Variants in CCDC88A observed in about 807,000 individuals in gnomAD.
CCDC88A encodes the protein coiled-coil and HOOK domain protein 88A.
CCDC88A carries 54 observed loss-of-function variants against 234.3 expected under a neutral mutation model. That is an observed-to-expected ratio of 0.23 (90% CI 0.19 to 0.29). CCDC88A has a LOEUF of 0.29. Ranked by LOEUF, CCDC88A falls within the 10% of genes least tolerant of loss-of-function variation. CCDC88A has a pLI of 1.00. For synonymous variants in CCDC88A, 753 were observed against 737.8 expected, an observed-to-expected ratio of 1.02 and a Z score of -0.33; for missense variants, 1,832 against 2,123.4, an observed-to-expected ratio of 0.86 and a Z score of 2.70.
intron 9 of CCDC88A, among the ~76,000 whole-genome samples, chr2:55,347,730 GC>G (rs1669348164): frequency 6.8e-6 from 1 of 146,916 alleles, no homozygotes; most frequent in South Asian, 2.2e-4. Flanking sequence ...TTGTGCCTCC[GC>G]CTCCCAAGTA....
chr2:55,315,274 C>A (rs1214232612), intron 22 of CCDC88A: 1 of 152,212 alleles, frequency 6.6e-6, no homozygotes, highest in Admixed American at 6.5e-5. Context: ...TTGCCCTGTG[C>A]TCTGTCAAAA....
At chr2:55,307,441 T>C (rs1239588793) in intron 25 of CCDC88A, among the ~76,000 whole-genome samples, 1 of 150,264 alleles carries the variant, frequency 6.7e-6, no homozygotes, top group Non-Finnish European at 1.5e-5. Context: ...CCTCAGCCTC[T>C]GCCTCCCAGG....
At chr2:55,377,695 C>T (rs763039048) in intron 3 of CCDC88A, among the ~76,000 whole-genome samples, 3 of 152,012 alleles carry the variant, frequency 2.0e-5, no homozygotes, top group Non-Finnish European at 2.9e-5. Context: ...ATGCAACCTC[C>T]GCCTCCCAGG....
intron 4 of CCDC88A, among the ~76,000 whole-genome samples, chr2:55,373,827 G>T (rs907962375): frequency 6.6e-6 from 1 of 151,816 alleles, no homozygotes; most frequent in East Asian, 1.9e-4. Flanking sequence ...TTTTATTTTG[G>T]TTTTGTTTGT....
intron 32 of CCDC88A, chr2:55,291,458 C>CA (rs1043582286): frequency 1.3e-4 from 43 of 325,070 alleles, no homozygotes; most frequent in Non-Finnish European, 2.1e-4. Context: ...TTTAAAGTGA[C>CA]AAAAAAACTT....
chr2:55,366,651 T>C (rs943202812), intron 5 of CCDC88A, among the ~76,000 whole-genome samples: 1 of 151,612 alleles, frequency 6.6e-6, no homozygotes, highest in South Asian at 2.1e-4. Flanking sequence ...GTGGGAGAGA[T>C]ATGCATAAAC....
intron 14 of CCDC88A, 21 bp downstream of exon 14, chr2:55,336,660 C>T: frequency 6.8e-7 from 1 of 1,463,212 alleles, no homozygotes; most frequent in Non-Finnish European, 9.2e-7. Context: ...ACATTGTTTA[C>T]TTAGTAAAAA....
At chr2:55,312,661 A>G (rs1682474737) in intron 22 of CCDC88A, 82 bp from the exon 23 acceptor site, 5 of 973,950 alleles carry the variant, frequency 5.1e-6, no homozygotes, top group Middle Eastern at 3.0e-4. Context: ...TACTACACAA[A>G]GATTTAAGTG....
intron 17 of CCDC88A, among the ~76,000 whole-genome samples, chr2:55,325,897 A>G (rs1412187808): frequency 6.6e-6 from 1 of 152,174 alleles, no homozygotes; most frequent in Non-Finnish European, 1.5e-5. Context: ...GATGCTATTT[A>G]CTGCACTAAA....
chr2:55,412,770 C>G (rs902883814), intron 2 of CCDC88A, among the ~76,000 whole-genome samples: 4 of 152,184 alleles, frequency 2.6e-5, no homozygotes, highest in Admixed American at 1.3e-4. Flanking sequence ...TGGACACTTT[C>G]TATATGTTAA....
intron 9 of CCDC88A, among the ~76,000 whole-genome samples, chr2:55,347,433 A>T (rs1043968201): frequency 6.6e-6 from 1 of 152,170 alleles, no homozygotes; most frequent in Non-Finnish European, 1.5e-5. Flanking sequence ...GGTGTGTGAC[A>T]TCTTAACAGA....
chr2:55,362,859 A>C (rs556949273), intron 6 of CCDC88A, among the ~76,000 whole-genome samples: 1 of 152,098 alleles, frequency 6.6e-6, no homozygotes, highest in South Asian at 2.1e-4. Flanking sequence ...GTTGTTACTG[A>C]ATATCTAGGT....
At chr2:55,372,733 G>C (rs1673021617) in intron 4 of CCDC88A, among the ~76,000 whole-genome samples, 2 of 152,168 alleles carry the variant, frequency 1.3e-5, no homozygotes, top group South Asian at 4.1e-4. Flanking sequence ...AATGGATAAA[G>C]AGGTTTCAAG....
intron 4 of CCDC88A, among the ~76,000 whole-genome samples, 160 bp downstream of exon 4, chr2:55,374,654 T>G (rs772012205): frequency 6.1e-4 from 93 of 152,196 alleles, no homozygotes; most frequent in Non-Finnish European, 6.2e-4. Context: ...TTACAAATAT[T>G]CTAAGCTTGT....
rs1282130868 is a variant in CCDC88A, at chr2:55,302,040, C to T, written c.4504G>A (p.Ala1502Thr). The change falls in exon 27 of 33, where the codon GCA (alanine) becomes ACA (threonine). Residue 1502 changes from alanine to threonine, a missense_variant. Ala to Thr is a moderately conservative substitution (Grantham distance 58). Around this residue, in one of 6 missense-constraint regions of CCDC88A, gnomAD observed 1,282 missense variants for 1,543.6 expected, o/e 0.83. Transcript: ENST00000436346. ...TCAGTACTACCTGTCCACTGTCCTGCTAGGACCATGGACTGCACCAGGTCA... is the reference window on the plus strand; with the variant it reads ...TCAGTACTACCTGTCCACTGTCCTGTTAGGACCATGGACTGCACCAGGTCA... The part of the protein sequence containing the change: ...MNDLVQSMVL[A>T]GQWTGSTENL... 2 of 1,613,798 alleles carry T rather than the reference C, an allele frequency of 1.2e-6. No individual in the cohort carries two copies. The highest frequency in any genetic ancestry group is 1.3e-5 in the African/African-American group (1 of 74,904).
intron 11 of CCDC88A, 123 bp from the exon 12 acceptor site, chr2:55,343,915 A>T: frequency 1.2e-6 from 1 of 838,000 alleles, no homozygotes. Flanking sequence ...AGTTCTTTAA[A>T]TTTTTCAGTT....
rs1684568647 is a variant in CCDC88A, at chr2:55,328,774, TTTTGTTTTGTTTTG to T, written c.2856-353_2856-340del. On this transcript the variant is annotated intron_variant, in intron 16 of 32. Transcript: ENST00000436346. The surrounding 1 kb of genome is among the most constrained non-coding windows in gnomAD (Gnocchi z 4.3). ...TTTTGTTTTGTTTTGTTTTGTTTTG[TTTTGTTTTGTTTTG>T]AGATGGAGTTTTGCTCTTGTAGCCC... 1 of 157,396 alleles carries T rather than the reference TTTTGTTTTGTTTTG, an allele frequency of 6.4e-6. No homozygotes were observed. Among genetic ancestry groups the T allele is most frequent in the African/African-American group, 2.8e-5 (1 of 35,886 alleles). 9.7% of individuals were successfully genotyped at this position (157,396 alleles called of 1,614,324 possible).
In CCDC88A at chr2:55,302,102, G is replaced by A. The variant is rs1309774327; in HGVS notation, c.4472-30C>T. 5.8e-6 allele frequency: 9 copies of A among 1,539,768 alleles called. No homozygotes were observed. In the South Asian group the frequency reaches 8.9e-5, roughly 15 times the overall value. On this transcript the variant is annotated intron_variant, in intron 26 of 32. Coordinates refer to ENST00000436346, the MANE Select transcript of CCDC88A (RefSeq NM_001365480.1). ...GATGCAAATGAAAGCAAATGAATCA[G>A]CATGGTTAATGTATTTGTTCTTATT...
intron 5 of CCDC88A, among the ~76,000 whole-genome samples, chr2:55,370,097 T>C (rs750763149): frequency 9.2e-5 from 14 of 152,154 alleles, no homozygotes; most frequent in African/African-American, 1.4e-4. Context: ...GGCACCACAA[T>C]AGATGCAAGT....
Sources: gnomAD v4.1 joint callset for allele counts (sites outside exome capture counted in the v4.1 genomes callset) on GRCh38, gnomAD v4.1.1 for gene constraint, gnomAD v4.1.1 regional missense constraint, Gnocchi (gnomAD v3.1) non-coding constraint, MANE v1.5 for transcripts, NCBI Gene and HGNC (gene_info 2026-07-23, HGNC 2026-07-21) for gene names.